ETV6: variants seen among roughly 807,000 people sequenced by gnomAD.
ETV6 encodes ETS variant transcription factor 6.
ETV6 carries 16 observed loss-of-function variants against 51.1 expected under a neutral mutation model. The observed-to-expected ratio is 0.31, with a 90% confidence interval of 0.21 to 0.48. The LOEUF (loss-of-function observed/expected upper bound fraction) is 0.48, where lower values mean the gene tolerates loss of function less well. ETV6 is among the 20% of genes least tolerant of loss of function. The pLI, the probability that ETV6 is intolerant of heterozygous loss-of-function variation, is 0.99. For synonymous variants in ETV6, 240 were observed against 224.1 expected (o/e 1.07, Z -0.64); for missense variants, 458 against 594.8 (o/e 0.77, Z 2.39).
At chr12:11,752,788 C>A in intron 2 of ETV6, 1 of 473,320 alleles carries the variant, frequency 2.1e-6, no homozygotes, top group Non-Finnish European at 3.6e-6. Flanking sequence ...GTATTCATTT[C>A]TTCCCTGACT....
intron 5 of ETV6, among the ~76,000 whole-genome samples, chr12:11,872,393 C>T (rs1338195901): frequency 6.6e-6 from 1 of 152,074 alleles, no homozygotes; most frequent in Non-Finnish European, 1.5e-5. Context: ...ACCATAAGCC[C>T]ATGAATCAAG....
intron 1 of ETV6, among the ~76,000 whole-genome samples, chr12:11,677,296 G>A (rs1160565746): frequency 1.3e-5 from 2 of 152,162 alleles, no homozygotes; most frequent in African/African-American, 4.8e-5. Flanking sequence ...CTCTCTCTCT[G>A]CCAATAATTA....
intron 2 of ETV6, among the ~76,000 whole-genome samples, chr12:11,763,117 G>C (rs1356216898): frequency 1.3e-5 from 2 of 152,144 alleles, no homozygotes; most frequent in African/African-American, 4.8e-5. Context: ...CAAAGTCGGG[G>C]AGAAAATGCT....
chr12:11,863,971 G>A (rs1946755656), intron 4 of ETV6, among the ~76,000 whole-genome samples: 1 of 149,456 alleles, frequency 6.7e-6, no homozygotes, highest in African/African-American at 2.6e-5. Flanking sequence ...TACTGTTAAT[G>A]TTATCAGCTT....
intron 4 of ETV6, among the ~76,000 whole-genome samples, chr12:11,867,727 T>C (rs1946810404): frequency 6.6e-6 from 1 of 152,218 alleles, no homozygotes; most frequent in Admixed American, 6.5e-5. Flanking sequence ...AAAGGTGATA[T>C]GTTTGACTTG....
At chr12:11,811,889 G>A (rs1216486752) in intron 2 of ETV6, among the ~76,000 whole-genome samples, 1 of 152,142 alleles carries the variant, frequency 6.6e-6, no homozygotes, top group Non-Finnish European at 1.5e-5. Context: ...TGCTGGTCCT[G>A]CTATTTTATG....
At chr12:11,698,080 C>T (rs1864911500) in intron 1 of ETV6, among the ~76,000 whole-genome samples, 1 of 152,180 alleles carries the variant, frequency 6.6e-6, no homozygotes, top group Non-Finnish European at 1.5e-5. Flanking sequence ...TTCCATACCC[C>T]ATTACTATGG....
At chr12:11,740,406 G>A (rs1340352953) in intron 1 of ETV6, among the ~76,000 whole-genome samples, 6 of 152,180 alleles carry the variant, frequency 3.9e-5, no homozygotes, top group Admixed American at 1.3e-4. Context: ...TGTTGGAACC[G>A]TTGTTGAAGC....
At chr12:11,762,364 C>G (rs1476935944) in intron 2 of ETV6, among the ~76,000 whole-genome samples, 2 of 152,182 alleles carry the variant, frequency 1.3e-5, no homozygotes, top group Admixed American at 1.3e-4. Context: ...GCGGCAATCC[C>G]CTCTGCAACT....
intron 1 of ETV6, among the ~76,000 whole-genome samples, chr12:11,696,494 T>C (rs1414190175): frequency 6.6e-6 from 1 of 152,158 alleles, no homozygotes; most frequent in African/African-American, 2.4e-5. Context: ...AAAGTACCAA[T>C]AACCCACCTG....
In ETV6 at chr12:11,763,310, C is replaced by G. The variant is rs550983170; in HGVS notation, c.163+10731C>G. 3.9e-5 allele frequency among the ~76,000 whole-genome samples: 6 copies of G among 152,314 alleles called. No individual in the cohort carries two copies. In the East Asian group the frequency reaches 1.2e-3, roughly 29 times the overall value. ...CAAGCATTTTTCGTGGGGGCTCTTG[C>G]TGACCTTAAAATTTGGCCGTGATTC... On this transcript the variant is annotated intron_variant, in intron 2 of 7. Coordinates refer to ENST00000396373, the MANE Select transcript of ETV6 (RefSeq NM_001987.5).
At chr12:11,671,839 A>G (rs1177617853) in intron 1 of ETV6, among the ~76,000 whole-genome samples, 2 of 152,156 alleles carry the variant, frequency 1.3e-5, no homozygotes, top group South Asian at 2.1e-4. Flanking sequence ...TCGAAATAAC[A>G]GATTGGTTCA....
At chr12:11,757,957 T>C (rs1171556025) in intron 2 of ETV6, among the ~76,000 whole-genome samples, 2 of 152,182 alleles carry the variant, frequency 1.3e-5, no homozygotes, top group African/African-American at 4.8e-5. Context: ...GAGCTCAGGT[T>C]AGAGTTGAAT....
chr12:11,822,010 G>A (rs1176719215), intron 2 of ETV6, among the ~76,000 whole-genome samples: 1 of 152,212 alleles, frequency 6.6e-6, no homozygotes, highest in Non-Finnish European at 1.5e-5. Context: ...CTGTTCCTCT[G>A]ACTGGAAAGC....
At chr12:11,757,338 GA>G in intron 2 of ETV6, among the ~76,000 whole-genome samples, 1 of 152,140 alleles carries the variant, frequency 6.6e-6, no homozygotes, top group South Asian at 2.1e-4. Context: ...AGCTATATTA[GA>G]ACCAGCATAG....
rs564140673 is a variant in ETV6 at position 11,730,740 on chromosome 12, GT to G, written c.34-21709del. ...TGATTTTCCTCTTTTGCTTTGGAGT[GT>G]ACAACAATCAACCCTTTAGAGCAGA... is the stretch of plus-strand genomic sequence containing the variant. On this transcript the variant is annotated intron_variant, in intron 1 of 7. Transcript: ENST00000396373. Among the ~76,000 whole-genome samples the G allele has an allele frequency of 8.1e-4, 123 of 152,338 alleles. No homozygotes were observed. The East Asian group carries it at 0.015, about 19-fold the overall frequency.
At position 11,892,583 on chromosome 12, in the gene ETV6, A is replaced by ATTTCTT. The variant is rs1947311789; in HGVS notation, c.*1540_*1545dup. ...TCAGAAATCCAATATTTGGAGTACA[A>ATTTCTT]TTTCTTTTAATCCAGATTACACCTG... On this transcript the variant is annotated 3_prime_UTR_variant, in exon 8 of 8. Transcript: ENST00000396373. 1.3e-5 allele frequency: 3 copies of ATTTCTT among 232,610 alleles called. No homozygotes were observed. The highest frequency in any genetic ancestry group is 1.7e-5 in the Non-Finnish European group (2 of 117,932). 14.4% of individuals were successfully genotyped at this position (232,610 alleles called of 1,614,324 possible). A position where few individuals can be genotyped will look rare whatever the true frequency, so the allele number is the denominator to read the frequency against.
At chr12:11,659,984 T>A (rs551659985) in intron 1 of ETV6, among the ~76,000 whole-genome samples, 4 of 152,308 alleles carry the variant, frequency 2.6e-5, no homozygotes, top group Admixed American at 1.3e-4. Flanking sequence ...AAGGAATGTG[T>A]TATAGTATTC....
chr12:11,771,772 T>C (rs1565520022), intron 2 of ETV6, among the ~76,000 whole-genome samples: 1 of 152,246 alleles, frequency 6.6e-6, no homozygotes, highest in African/African-American at 2.4e-5. Context: ...AAGACTCTTC[T>C]GAGAATGCAG....
Sources: allele counts gnomAD v4.1 joint callset (sites outside exome capture counted in the v4.1 genomes callset), GRCh38; gene constraint gnomAD v4.1.1; transcripts MANE v1.5; gene names NCBI Gene and HGNC (gene_info 2026-07-23, HGNC 2026-07-21).